The following MIA2 variants were observed in gnomAD, a reference collection of about 807,000 sequenced individuals.
MIA2 encodes the protein MIA SH3 domain ER export factor 2.
MIA2 carries 127 observed loss-of-function variants against 167.8 expected under a neutral mutation model. That is an observed-to-expected ratio of 0.76 (90% CI 0.66 to 0.88). The LOEUF is 0.88. Among genes scored for constraint, MIA2 ranks in the 40% least tolerant of loss-of-function variants. MIA2 has a pLI of 0.00. For synonymous variants in MIA2, 552 were observed against 541.9 expected (o/e 1.02, Z -0.26); for missense variants, 1,690 against 1,624.7 (o/e 1.04, Z -0.69).
At chr14:39,324,218 A>G (rs1195544340) in intron 24 of MIA2, among the ~76,000 whole-genome samples, 3 of 152,236 alleles carry the variant, frequency 2.0e-5, no homozygotes, top group Non-Finnish European at 4.4e-5. Flanking sequence ...GTAAGCAATC[A>G]GGAAGGAAAG....
At chr14:39,373,678 G>T (rs2074994069) in intron 23 of MIA2, among the ~76,000 whole-genome samples, 1 of 152,050 alleles carries the variant, frequency 6.6e-6, no homozygotes, top group South Asian at 2.1e-4. Flanking sequence ...AAAATTAGCT[G>T]GGCATGGTGG....
intron 6 of MIA2, among the ~76,000 whole-genome samples, chr14:39,275,659 A>T (rs1312360752): frequency 1.3e-5 from 2 of 152,198 alleles, no homozygotes; most frequent in Non-Finnish European, 2.9e-5. Context: ...TAAAAGTAAG[A>T]TGCTTGGAAA....
chr14:39,247,298 G>C lies in MIA2; in HGVS notation c.724G>C (p.Val242Leu), dbSNP rs937836218. The C allele has an allele frequency of 6.2e-7, 1 of 1,613,770 alleles. No homozygotes were observed. The change falls in exon 4 of 29, where the codon GTT (valine) becomes CTT (leucine). Residue 242 changes from valine to leucine, a missense_variant. By Grantham distance (32) the Val-to-Leu change is conservative. Coordinates refer to ENST00000640607, the MANE Select transcript of MIA2 (RefSeq NM_001329214.4). The part of the protein sequence containing the change: ...EQAEEKAFES[V>L]IEPVQESSFR... ...AGCTGAAGAGAAGGCTTTTGAATCA[G>C]TTATTGAACCTGTACAAGAAAGCTC... is the stretch of plus-strand genomic sequence containing the variant.
intron 23 of MIA2, among the ~76,000 whole-genome samples, chr14:39,319,961 A>C (rs1000637618): frequency 1.3e-5 from 2 of 152,180 alleles, no homozygotes; most frequent in Non-Finnish European, 2.9e-5. Context: ...TTCCATTTTA[A>C]TAACCTTGGA....
At chr14:39,317,880 CAT>C (rs959618559) in intron 21 of MIA2, 62 bp from the exon 22 acceptor site, 5 of 1,022,428 alleles carry the variant, frequency 4.9e-6, no homozygotes, top group East Asian at 2.9e-5. Context: ...TTTATATTGA[CAT>C]ATTTATGCTT....
intron 23 of MIA2, among the ~76,000 whole-genome samples, chr14:39,359,602 C>T (rs1450322894): frequency 6.6e-6 from 1 of 152,176 alleles, no homozygotes; most frequent in Non-Finnish European, 1.5e-5. Flanking sequence ...GAACCCGGTA[C>T]CTCTATTGGA....
chr14:39,241,835 C>G (rs993781300), intron 3 of MIA2, among the ~76,000 whole-genome samples: 4 of 152,208 alleles, frequency 2.6e-5, no homozygotes, highest in Admixed American at 6.5e-5. Context: ...ATGATCTGCT[C>G]CTGCCTCCTT....
intron 9 of MIA2, among the ~76,000 whole-genome samples, chr14:39,282,300 T>C (rs1566711703): frequency 1.3e-5 from 2 of 152,230 alleles, no homozygotes; most frequent in Non-Finnish European, 2.9e-5. Flanking sequence ...ATTTAAGGTA[T>C]AGAAATTTCA....
At chr14:39,358,867 G>T (rs1404445964) in intron 23 of MIA2, among the ~76,000 whole-genome samples, 1 of 152,174 alleles carries the variant, frequency 6.6e-6, no homozygotes, top group East Asian at 1.9e-4. Context: ...CAGAACAGCG[G>T]ATATTGGTGA....
rs534180489 is a variant in MIA2, at chr14:39,342,357, C to T, written c.3656-3547C>T. ...GACATGAACTCATCATTTTTTATGG[C>T]TGCATAGTATTCCATGGTGTATATG... On this transcript the variant is annotated intron_variant, in intron 25 of 28. Coordinates refer to ENST00000640607, the MANE Select transcript of MIA2 (RefSeq NM_001329214.4). Among the ~76,000 whole-genome samples, 42 of 152,248 alleles carry T rather than the reference C, an allele frequency of 2.8e-4. 1 individual carries two copies. The South Asian group carries it at 8.5e-3, about 31-fold the overall frequency.
chr14:39,373,539 G>T (rs1345193299), intron 23 of MIA2, among the ~76,000 whole-genome samples: 1 of 152,156 alleles, frequency 6.6e-6, no homozygotes, highest in Non-Finnish European at 1.5e-5. Flanking sequence ...TGAGAAAATA[G>T]GGCTAGGCGT....
At chr14:39,267,197 G>A in intron 6 of MIA2, 3 of 1,300,854 alleles carry the variant, frequency 2.3e-6, no homozygotes, top group South Asian at 1.9e-5. Context: ...AGGGTACGTC[G>A]CAGGCTTGTG....
chr14:39,256,598 C>T (rs1383569469), intron 6 of MIA2, among the ~76,000 whole-genome samples: 1 of 151,084 alleles, frequency 6.6e-6, no homozygotes, highest in Non-Finnish European at 1.5e-5. Flanking sequence ...AAAAAAATAA[C>T]AAAGAAATTA....
rs1359918174 is a variant in MIA2 at position 39,298,435 on chromosome 14, ATATATAT to A, written c.2497-1428_2497-1422del. On this transcript the variant is annotated intron_variant, in intron 13 of 28. Coordinates refer to ENST00000640607, the MANE Select transcript of MIA2 (RefSeq NM_001329214.4). ...GTTTTATATATATATATATATATAT[ATATATAT>A]AAAGATTAGTTTTTCATGTGTTCGG... Among the ~76,000 whole-genome samples the A allele has an allele frequency of 6.1e-3, 112 of 18,326 alleles. 16 individuals carry two copies. The highest frequency in any genetic ancestry group is 0.013 in the East Asian group (5 of 398). 12.0% of individuals were successfully genotyped at this position (18,326 alleles called of 152,430 possible).
chr14:39,314,009 T>C (rs545292632), intron 19 of MIA2, among the ~76,000 whole-genome samples: 58 of 152,316 alleles, frequency 3.8e-4, no homozygotes, highest in African/African-American at 1.3e-3. Context: ...TTATCCAAAA[T>C]AAGTTATCTT....
intron 21 of MIA2, 49 bp from the exon 22 acceptor site, chr14:39,317,895 T>G (rs1188799073): frequency 2.4e-6 from 3 of 1,272,352 alleles, no homozygotes; most frequent in Non-Finnish European, 3.2e-6. Flanking sequence ...TTATGCTTAT[T>G]TTTTAAGTTT....
Position 39,319,300 on chromosome 14 carries a change from T to C in MIA2, c.3367+9T>C. 2 of 1,480,618 alleles carry C rather than the reference T, an allele frequency of 1.4e-6. No individual in the cohort carries two copies. The highest frequency in any genetic ancestry group is 1.5e-5 in the South Asian group (1 of 68,154). The allele number at this position is 1,480,618 out of a possible 1,614,324, so 91.7% of individuals were successfully genotyped here. A position where few individuals can be genotyped will look rare whatever the true frequency, so the allele number is the denominator to read the frequency against. Reference sequence around the variant, plus strand: ...TACAGCATTTGGCAGAGGTAGTCTTTTTTTTTTTACCCCTCATTTAAAATA... The same window carrying C: ...TACAGCATTTGGCAGAGGTAGTCTTCTTTTTTTTACCCCTCATTTAAAATA... On this transcript the variant is annotated intron_variant, in intron 23 of 28. Coordinates refer to ENST00000640607, the MANE Select transcript of MIA2 (RefSeq NM_001329214.4).
rs574732319 is a variant in MIA2 at position 39,279,725 on chromosome 14, G to A, written c.2130+188G>A. 1.2e-4 allele frequency among the ~76,000 whole-genome samples: 19 copies of A among 152,262 alleles called. No homozygotes were observed. The South Asian group carries it at 3.9e-3, about 32-fold the overall frequency. The stretch of plus-strand genomic sequence containing the variant: ...TAACCATTGTAGTAGGTGTACAATG[G>A]TGTCTCCTTGTGCTTTCCTTTTGAG... On this transcript the variant is annotated intron_variant, in intron 9 of 28. Transcript: ENST00000640607.
chr14:39,310,004 G>A (rs546223565), intron 18 of MIA2, among the ~76,000 whole-genome samples: 146 of 151,668 alleles, frequency 9.6e-4, no homozygotes, highest in African/African-American at 3.4e-3. Context: ...GGTTCCTTTA[G>A]GCTCTTAATG....
Sources: allele counts gnomAD v4.1 joint callset (sites outside exome capture counted in the v4.1 genomes callset), GRCh38; gene constraint gnomAD v4.1.1; transcripts MANE v1.5; gene names NCBI Gene and HGNC (gene_info 2026-07-23, HGNC 2026-07-21).